Variants in SEMA3A observed in about 807,000 individuals in gnomAD.
The protein encoded by SEMA3A is semaphorin 3A.
Under a neutral mutation model 97.9 loss-of-function variants are expected in SEMA3A, and 29 were observed. The ratio of observed to expected loss-of-function variants is 0.30; its 90% CI spans 0.22 to 0.40. The LOEUF (loss-of-function observed/expected upper bound fraction) is 0.40, where lower values mean the gene tolerates loss of function less well. Ranked by LOEUF, SEMA3A falls within the 10% of genes least tolerant of loss-of-function variation. SEMA3A has a pLI of 1.00. For synonymous variants in SEMA3A, 321 were observed against 323.7 expected, an observed-to-expected ratio of 0.99 and a Z score of 0.09; for missense variants, 763 against 951.3, an observed-to-expected ratio of 0.80 and a Z score of 2.60.
chr7:84,064,144 C>T lies in SEMA3A; in HGVS notation c.454-3586G>A, dbSNP rs1321839714. Among the ~76,000 whole-genome samples, 3 of 152,104 alleles carry T rather than the reference C, an allele frequency of 2.0e-5. No homozygotes were observed. In the East Asian group the frequency reaches 5.8e-4, roughly 29 times the overall value. ...ATTCTTAAAGAAAAGAATTTTCAACCCAGAATTTCATATCCATCCAAACTA... is the reference window on the plus strand; with the variant it reads ...ATTCTTAAAGAAAAGAATTTTCAACTCAGAATTTCATATCCATCCAAACTA... On this transcript the variant is annotated intron_variant, in intron 4 of 16. Transcript: ENST00000265362.
chr7:84,225,358 G>C (rs1462437052), intron 3 of SEMA3A, among the ~76,000 whole-genome samples: 1 of 152,102 alleles, frequency 6.6e-6, no homozygotes, highest in Middle Eastern at 3.2e-3. Flanking sequence ...ATGGGGAAAA[G>C]ATGACACATC....
chr7:84,366,311 T>C (rs1345256313), intron 2 of SEMA3A, among the ~76,000 whole-genome samples: 8 of 151,294 alleles, frequency 5.3e-5, no homozygotes, highest in Non-Finnish European at 1.0e-4. Context: ...ACGAAATACA[T>C]TTTCAACTAA....
chr7:83,979,446 A>G (rs1199100442), intron 14 of SEMA3A, among the ~76,000 whole-genome samples: 4 of 152,098 alleles, frequency 2.6e-5, no homozygotes, highest in African/African-American at 7.2e-5. Context: ...TCCACATTTT[A>G]AAGTAAGATA....
chr7:84,411,045 G>C (rs1335606551), intron 1 of SEMA3A, among the ~76,000 whole-genome samples: 1 of 152,040 alleles, frequency 6.6e-6, no homozygotes, highest in Non-Finnish European at 1.5e-5. Flanking sequence ...TGTATTAGCA[G>C]ATGTTTATAT....
chr7:84,123,989 T>C lies in SEMA3A; in HGVS notation c.333+5134A>G, dbSNP rs572965977. On this transcript the variant is annotated intron_variant, in intron 3 of 16. Coordinates refer to ENST00000265362, the MANE Select transcript of SEMA3A (RefSeq NM_006080.3). ...CGGCAGAGAGTAATGATGAGTTATA[T>C]TATCCCAGCTGCATGAGAGAATGCG... Among the ~76,000 whole-genome samples, 14 of 152,168 alleles carry C rather than the reference T, an allele frequency of 9.2e-5. 1 individual carries two copies. In the South Asian group the frequency reaches 2.9e-3, roughly 32 times the overall value.
intron 3 of SEMA3A, among the ~76,000 whole-genome samples, chr7:84,289,821 A>G (rs1405493825): frequency 6.6e-6 from 1 of 152,150 alleles, no homozygotes; most frequent in Admixed American, 6.6e-5. Flanking sequence ...CTTATACATG[A>G]ATATTCATAG....
chr7:84,129,769 T>C (rs1161607290), intron 2 of SEMA3A, among the ~76,000 whole-genome samples: 3 of 151,722 alleles, frequency 2.0e-5, no homozygotes. Flanking sequence ...TAGCATGGTA[T>C]ATGTTAGAGA....
At chr7:84,102,115 T>A (rs188783979) in intron 4 of SEMA3A, among the ~76,000 whole-genome samples, 168 of 152,270 alleles carry the variant, frequency 1.1e-3, no homozygotes, top group African/African-American at 3.9e-3. Context: ...TTTGATAGAC[T>A]CTAATGGAAA....
In SEMA3A at chr7:84,429,516, TTATATATATATATATA is replaced by T. The variant is rs10523978; in HGVS notation, c.-245-57632_-245-57617del. Among the ~76,000 whole-genome samples the T allele has an allele frequency of 3.6e-4, 26 of 72,390 alleles. 2 individuals are homozygous for T. The East Asian group carries it at 4.1e-3, about 11-fold the overall frequency. The allele number at this position is 72,390 out of a possible 152,430, so 47.5% of individuals were successfully genotyped here. On this transcript the variant is annotated intron_variant, in intron 1 of 3. Transcript: ENST00000424555. ...TTGCATTAGTAAAATATAGAGTTTG[TTATATATATATATATA>T]TATATATATATATATAGCGAGAGAG...
At chr7:84,328,233 A>G (rs1000629055) in intron 2 of SEMA3A, among the ~76,000 whole-genome samples, 1 of 151,970 alleles carries the variant, frequency 6.6e-6, no homozygotes, top group Non-Finnish European at 1.5e-5. Flanking sequence ...TTTATGGCAG[A>G]CCTATTTGGG....
chr7:83,990,968 T>A (rs1354932704), intron 12 of SEMA3A, among the ~76,000 whole-genome samples: 5 of 152,146 alleles, frequency 3.3e-5, no homozygotes, highest in East Asian at 1.9e-4. Flanking sequence ...ATGTTCTTCC[T>A]TTTGTTTGTA....
chr7:84,014,036 AAG>A (rs1554394127), intron 7 of SEMA3A, among the ~76,000 whole-genome samples, 171 bp downstream of exon 7: 5 of 152,212 alleles, frequency 3.3e-5, no homozygotes, highest in African/African-American at 1.2e-4. Flanking sequence ...TTTGACTGCG[AAG>A]AGTTACTCAT....
intron 2 of SEMA3A, among the ~76,000 whole-genome samples, chr7:84,335,029 C>G (rs1802003429): frequency 6.6e-6 from 1 of 151,958 alleles, no homozygotes; most frequent in Non-Finnish European, 1.5e-5. Flanking sequence ...TATATATTTT[C>G]TACTATAAAT....
intron 3 of SEMA3A, among the ~76,000 whole-genome samples, chr7:84,263,089 C>T (rs943988799): frequency 6.6e-6 from 1 of 152,154 alleles, no homozygotes; most frequent in Non-Finnish European, 1.5e-5. Context: ...TATATTTTCC[C>T]AAATGGGACT....
chr7:84,383,669 G>T (rs913143031), intron 1 of SEMA3A, among the ~76,000 whole-genome samples: 1 of 151,964 alleles, frequency 6.6e-6, no homozygotes, highest in Non-Finnish European at 1.5e-5. Flanking sequence ...TGGTGTAAAA[G>T]GTATTTTAAC....
At chr7:83,979,122 C>T (rs796641032) in intron 14 of SEMA3A, among the ~76,000 whole-genome samples, 1 of 149,574 alleles carries the variant, frequency 6.7e-6, no homozygotes, top group African/African-American at 2.4e-5. Context: ...TTAGTTCAAA[C>T]ACGAATTCCA....
intron 1 of SEMA3A, among the ~76,000 whole-genome samples, chr7:84,457,000 T>G (rs571874852): frequency 6.6e-6 from 1 of 151,846 alleles, no homozygotes; most frequent in South Asian, 2.1e-4. Context: ...GCAAGCATAC[T>G]GCTTTGGGTA....
intron 3 of SEMA3A, among the ~76,000 whole-genome samples, chr7:84,281,352 A>G (rs952283663): frequency 1.3e-5 from 2 of 152,178 alleles, no homozygotes; most frequent in Non-Finnish European, 2.9e-5. Flanking sequence ...CTTGAAGACA[A>G]GAAACAGCAG....
intron 12 of SEMA3A, among the ~76,000 whole-genome samples, chr7:83,996,923 G>A (rs1050956952): frequency 1.3e-5 from 2 of 151,894 alleles, no homozygotes; most frequent in Non-Finnish European, 2.9e-5. Context: ...TTATTACTAA[G>A]CAATATTTTT....
Sources: allele counts gnomAD v4.1 joint callset (sites outside exome capture counted in the v4.1 genomes callset), GRCh38; gene constraint gnomAD v4.1.1; transcripts MANE v1.5; gene names NCBI Gene and HGNC (gene_info 2026-07-23, HGNC 2026-07-21).